GALK2: variants seen among roughly 807,000 people sequenced by gnomAD.
GALK2 encodes N-acetylgalactosamine kinase.
Under a neutral mutation model 52.4 loss-of-function variants are expected in GALK2, and 36 were observed. The ratio of observed to expected loss-of-function variants is 0.69; its 90% CI spans 0.53 to 0.91. The LOEUF (loss-of-function observed/expected upper bound fraction) is 0.91. GALK2 is among the 40% of genes least tolerant of loss of function. The pLI, the probability that GALK2 is intolerant of heterozygous loss-of-function variation, is 0.00. For missense variants in GALK2, 579 were observed against 559.1 expected, an observed-to-expected ratio of 1.04 and a Z score of -0.36; for synonymous variants, 176 against 199.1, an observed-to-expected ratio of 0.88 and a Z score of 0.98.
chr15:49,328,567 C>T lies in GALK2; in HGVS notation c.*408C>T. ...TGAATAGAGTTCATTTCTGGTTTCTCTTAGTATTCTTCTTCCTCAAAGTTG... is the reference window on the plus strand; with the variant it reads ...TGAATAGAGTTCATTTCTGGTTTCTTTTAGTATTCTTCTTCCTCAAAGTTG... On this transcript the variant is annotated 3_prime_UTR_variant, in exon 10 of 10. Transcript: ENST00000560031. 1 of 1,604,612 alleles carries T rather than the reference C, an allele frequency of 6.2e-7. No individual in the cohort carries two copies. The highest frequency in any genetic ancestry group is 8.5e-7 in the Non-Finnish European group (1 of 1,173,776).
chr15:49,164,840 A>G (rs2084772056), intron 1 of GALK2, among the ~76,000 whole-genome samples: 1 of 151,798 alleles, frequency 6.6e-6, no homozygotes, highest in Non-Finnish European at 1.5e-5. Flanking sequence ...TATAGTTTTA[A>G]ATTGGGGCAA....
chr15:49,182,285 T>G (rs2086032862), intron 1 of GALK2, among the ~76,000 whole-genome samples: 3 of 152,230 alleles, frequency 2.0e-5, no homozygotes, highest in Non-Finnish European at 4.4e-5. Context: ...CTTAACATAA[T>G]GTCCCCCAGA....
chr15:49,230,064 A>T (rs955121070), intron 3 of GALK2, among the ~76,000 whole-genome samples: 1 of 152,188 alleles, frequency 6.6e-6, no homozygotes, highest in Admixed American at 6.5e-5. Flanking sequence ...TGACAACAGC[A>T]GTTAGCACTC....
chr15:49,313,461 A>G (rs2036158098), intron 8 of GALK2, among the ~76,000 whole-genome samples: 2 of 152,182 alleles, frequency 1.3e-5, no homozygotes, highest in Non-Finnish European at 2.9e-5. Context: ...CTCTCTTCAC[A>G]GAAGGGACAC....
chr15:49,354,817 C>T lies in GALK2; in HGVS notation c.427-12674C>T, dbSNP rs374712850. ...CAGACAAACAAAAAGACAGCAGTAA[C>T]CTCTGCAGACTTAAATGTCCCTGTC... On this transcript the variant is annotated intron_variant, in intron 3 of 3. Transcript: ENST00000558399. Among the ~76,000 whole-genome samples, 289 of 152,062 alleles carry T rather than the reference C, an allele frequency of 1.9e-3. 3 individuals are homozygous for T. The highest frequency in any genetic ancestry group is 0.014 in the Middle Eastern group (4 of 294).
At chr15:49,313,525 G>A (rs2036164083) in intron 8 of GALK2, among the ~76,000 whole-genome samples, 1 of 152,186 alleles carries the variant, frequency 6.6e-6, no homozygotes, top group South Asian at 2.1e-4. Context: ...TCCTTCCCCA[G>A]CAAGCCCTGT....
At chr15:49,181,815 A>G (rs1485666504) in intron 1 of GALK2, among the ~76,000 whole-genome samples, 1 of 151,982 alleles carries the variant, frequency 6.6e-6, no homozygotes, top group African/African-American at 2.4e-5. Context: ...CATTTGCTTT[A>G]TCATTCTCTA....
chr15:49,165,303 T>C (rs941818884), upstream of GALK2, among the ~76,000 whole-genome samples: 3 of 152,220 alleles, frequency 2.0e-5, no homozygotes, highest in African/African-American at 7.2e-5. Flanking sequence ...TTTTAAAATC[T>C]TCATAATAAC....
At chr15:49,236,606 A>C (rs1461671411) in intron 4 of GALK2, among the ~76,000 whole-genome samples, 1 of 152,248 alleles carries the variant, frequency 6.6e-6, no homozygotes, top group Non-Finnish European at 1.5e-5. Context: ...ATAATTGAAA[A>C]AGTATCAAGG....
chr15:49,283,438 G>T (rs886851290), intron 6 of GALK2, 128 bp from the exon 7 acceptor site: 24 of 774,678 alleles, frequency 3.1e-5, no homozygotes, highest in Non-Finnish European at 5.0e-5. Flanking sequence ...AGCGCCTGGA[G>T]GTCAATAAGT....
chr15:49,361,112 C>T (rs2044149840), intron 3 of GALK2, among the ~76,000 whole-genome samples: 1 of 152,114 alleles, frequency 6.6e-6, no homozygotes, highest in Non-Finnish European at 1.5e-5. Flanking sequence ...AATATGTTAG[C>T]TTGATTCAGT....
chr15:49,362,817 G>A (rs550153162), intron 3 of GALK2, among the ~76,000 whole-genome samples: 7 of 152,128 alleles, frequency 4.6e-5, no homozygotes, highest in Non-Finnish European at 1.0e-4. Flanking sequence ...TGTATGGAAG[G>A]GGTCCAGTTT....
In GALK2 at chr15:49,270,084, C is replaced by T. The variant is rs183409702; in HGVS notation, c.505-11903C>T. Among the ~76,000 whole-genome samples, 5 of 152,268 alleles carry T rather than the reference C, an allele frequency of 3.3e-5. 1 individual carries two copies. The South Asian group carries it at 8.3e-4, about 25-fold the overall frequency. On this transcript the variant is annotated intron_variant, in intron 5 of 9. Coordinates refer to ENST00000560031, the MANE Select transcript of GALK2 (RefSeq NM_002044.4). Reference sequence around the variant, plus strand: ...GCTCCCCTAACGTAACTATTCCTCCCATCTGCTATGTCTCAGTTTTTTATT... The same window carrying T: ...GCTCCCCTAACGTAACTATTCCTCCTATCTGCTATGTCTCAGTTTTTTATT...
chr15:49,189,151 T>A (rs1328246028), intron 1 of GALK2, among the ~76,000 whole-genome samples: 1 of 152,204 alleles, frequency 6.6e-6, no homozygotes, highest in East Asian at 1.9e-4. Context: ...GACTCCATTT[T>A]GGTTTGGCTT....
At chr15:49,332,898 A>C (rs1253531859), downstream of GALK2, among the ~76,000 whole-genome samples, 4 of 152,104 alleles carry the variant, frequency 2.6e-5, no homozygotes, top group Non-Finnish European at 5.9e-5. Context: ...TGACTGGTAC[A>C]TGCCCCCTCA....
chr15:49,195,192 C>G (rs1397535566), intron 1 of GALK2: 2 of 426,278 alleles, frequency 4.7e-6, no homozygotes, highest in South Asian at 1.6e-5. Flanking sequence ...CTGCCTCCGC[C>G]TCCGGAGTAG....
chr15:49,211,141 C>T (rs1238925679), intron 2 of GALK2, among the ~76,000 whole-genome samples: 1 of 152,186 alleles, frequency 6.6e-6, no homozygotes, highest in Admixed American at 6.5e-5. Flanking sequence ...TAGAAGCAGC[C>T]AGACTACATC....
chr15:49,200,058 A>G (rs1159353952), intron 1 of GALK2, among the ~76,000 whole-genome samples: 1 of 152,202 alleles, frequency 6.6e-6, no homozygotes, highest in East Asian at 1.9e-4. Flanking sequence ...AGGCTTTAAT[A>G]AATGTTTATC....
exon 4 of GALK2, chr15:49,367,604 T>C (rs143970875): frequency 3.8e-6 from 6 of 1,559,064 alleles, no homozygotes; most frequent in Admixed American, 2.3e-5. Context: ...ACTACTATAG[T>C]GCGACTGTAA....
Sources: gnomAD v4.1 joint callset for allele counts (sites outside exome capture counted in the v4.1 genomes callset) on GRCh38, gnomAD v4.1.1 for gene constraint, MANE v1.5 for transcripts, NCBI Gene and HGNC (gene_info 2026-07-23, HGNC 2026-07-21) for gene names.